The following KIAA1549L variants were observed in gnomAD, a reference collection of about 807,000 sequenced individuals.
KIAA1549L encodes the protein UPF0606 protein KIAA1549L.
A neutral mutation model predicts 160.7 loss-of-function variants in KIAA1549L; 88 were observed. The ratio of observed to expected loss-of-function variants is 0.55; its 90% CI spans 0.46 to 0.65. KIAA1549L has a LOEUF of 0.65. Ranked by LOEUF, KIAA1549L falls within the 30% of genes least tolerant of loss-of-function variation. The pLI is 0.00. For missense variants in KIAA1549L, 2,258 were observed against 2,437.5 expected (o/e 0.93, Z 1.55); for synonymous variants, 950 against 976.7 (o/e 0.97, Z 0.51).
chr11:33,532,889 C>T (rs1047302453), intron 1 of KIAA1549L, among the ~76,000 whole-genome samples: 2 of 152,164 alleles, frequency 1.3e-5, no homozygotes, highest in African/African-American at 2.4e-5. Context: ...TTTCTTCTCC[C>T]TCAGTGTTTC....
chr11:33,485,169 T>C (rs1260686211), intron 1 of KIAA1549L, among the ~76,000 whole-genome samples: 1 of 152,178 alleles, frequency 6.6e-6, no homozygotes, highest in Non-Finnish European at 1.5e-5. Flanking sequence ...GGACTTCCTG[T>C]CCCAGCCTGC....
chr11:33,422,782 C>T (rs1050947158), intron 1 of KIAA1549L, among the ~76,000 whole-genome samples: 1 of 151,380 alleles, frequency 6.6e-6, no homozygotes, highest in Non-Finnish European at 1.5e-5. Context: ...GTGGATGTTG[C>T]CATGAAAAAG....
chr11:33,438,856 T>G (rs1851433664), intron 1 of KIAA1549L, among the ~76,000 whole-genome samples: 1 of 152,014 alleles, frequency 6.6e-6, no homozygotes, highest in African/African-American at 2.4e-5. Flanking sequence ...GGTTTTTTTT[T>G]TTTTTTTTTT....
intron 1 of KIAA1549L, among the ~76,000 whole-genome samples, chr11:33,417,970 G>C (rs1277824575): frequency 6.6e-6 from 1 of 151,930 alleles, no homozygotes; most frequent in Non-Finnish European, 1.5e-5. Context: ...GTAGAGACAG[G>C]GTTTTGCCAT....
chr11:33,607,719 A>G (rs1369138702), intron 14 of KIAA1549L, among the ~76,000 whole-genome samples: 1 of 152,200 alleles, frequency 6.6e-6, no homozygotes, highest in East Asian at 1.9e-4. Flanking sequence ...TCACACCTCA[A>G]GGAACATGCT....
At chr11:33,622,320 T>C (rs4755766) in intron 16 of KIAA1549L, among the ~76,000 whole-genome samples, 89,167 of 151,916 alleles carry the variant, frequency 0.59, 26,261 homozygotes, top group Middle Eastern at 0.65. Flanking sequence ...CATCGGCGGG[T>C]TGAAGGAATG....
At chr11:33,565,014 C>T (rs532404774) in intron 8 of KIAA1549L, among the ~76,000 whole-genome samples, 1 of 152,294 alleles carries the variant, frequency 6.6e-6, no homozygotes, top group African/African-American at 2.4e-5. Context: ...CAGCTGGGGA[C>T]GTGCCCAGCT....
At chr11:33,626,407 C>T (rs1187705529) in intron 16 of KIAA1549L, among the ~76,000 whole-genome samples, 2 of 148,404 alleles carry the variant, frequency 1.3e-5, no homozygotes, top group East Asian at 3.9e-4. Flanking sequence ...GAATATTCTT[C>T]CATTTGTTTG....
At chr11:33,584,191 G>A (rs940090875) in intron 11 of KIAA1549L, among the ~76,000 whole-genome samples, 4 of 152,216 alleles carry the variant, frequency 2.6e-5, no homozygotes, top group African/African-American at 7.2e-5. Context: ...AGCCTCCAGA[G>A]TTGTGAGAAA....
intron 1 of KIAA1549L, among the ~76,000 whole-genome samples, chr11:33,471,658 G>A (rs914046676): frequency 1.3e-5 from 2 of 152,140 alleles, no homozygotes; most frequent in African/African-American, 4.8e-5. Flanking sequence ...TTTTCTCTAA[G>A]GTCTCTCCCT....
At chr11:33,551,307 G>A (rs1854454933) in intron 5 of KIAA1549L, 48 bp downstream of exon 5, 1 of 1,520,762 alleles carries the variant, frequency 6.6e-7, no homozygotes, top group Non-Finnish European at 9.0e-7. Flanking sequence ...TGGGTTCAGG[G>A]CCAGTACCAA....
intron 1 of KIAA1549L, among the ~76,000 whole-genome samples, chr11:33,421,474 C>T (rs973583765): frequency 6.6e-6 from 1 of 152,226 alleles, no homozygotes; most frequent in African/African-American, 2.4e-5. Flanking sequence ...GAATCCTAGG[C>T]CCTGCTTCAG....
At chr11:33,662,286 TA>T (rs1305176412) in intron 20 of KIAA1549L, among the ~76,000 whole-genome samples, 3 of 152,204 alleles carry the variant, frequency 2.0e-5, no homozygotes, top group African/African-American at 7.2e-5. Flanking sequence ...TCCCCACATC[TA>T]GTAATATGCC....
chr11:33,431,995 T>C (rs1227866151), intron 1 of KIAA1549L, among the ~76,000 whole-genome samples: 1 of 152,168 alleles, frequency 6.6e-6, no homozygotes, highest in Non-Finnish European at 1.5e-5. Context: ...GGGTGCTAAG[T>C]CCCTCATTGC....
At chr11:33,641,580 AT>A (rs1851582586) in intron 16 of KIAA1549L, among the ~76,000 whole-genome samples, 20 of 1,654 alleles carry the variant, frequency 0.012, no homozygotes, top group Non-Finnish European at 3.0e-3. Flanking sequence ...CTGTATATAT[AT>A]ATATATATAT....
intron 1 of KIAA1549L, among the ~76,000 whole-genome samples, chr11:33,510,950 C>G (rs12361916): frequency 4.6e-5 from 7 of 152,258 alleles, no homozygotes; most frequent in Admixed American, 4.6e-4. Flanking sequence ...GTCATGCAGA[C>G]TGAGTTCAAA....
At chr11:33,581,948 A>G (rs941318145) in intron 10 of KIAA1549L, among the ~76,000 whole-genome samples, 48 of 152,198 alleles carry the variant, frequency 3.2e-4, no homozygotes, top group African/African-American at 1.2e-3. Flanking sequence ...TAATAAAAAA[A>G]AGCATGTATT....
chr11:33,631,885 C>T (rs1320001096), intron 16 of KIAA1549L, among the ~76,000 whole-genome samples: 2 of 152,110 alleles, frequency 1.3e-5, no homozygotes, highest in African/African-American at 4.8e-5. Context: ...ACAGTAGATG[C>T]GGTGTCTCTA....
At chr11:33,569,411 G>A (rs1387030511) in intron 9 of KIAA1549L, among the ~76,000 whole-genome samples, 2 of 152,218 alleles carry the variant, frequency 1.3e-5, no homozygotes, top group Non-Finnish European at 2.9e-5. Context: ...GAATTGAGCA[G>A]ACTACCCCTG....
Sources: allele counts gnomAD v4.1 joint callset (sites outside exome capture counted in the v4.1 genomes callset), GRCh38; gene constraint gnomAD v4.1.1; transcripts MANE v1.5; gene names NCBI Gene and HGNC (gene_info 2026-07-23, HGNC 2026-07-21).